The following SCFD2 variants were observed in gnomAD, a reference collection of about 807,000 sequenced individuals.
SCFD2 encodes the protein sec1 family domain-containing protein 2.
Under a neutral mutation model 58.9 loss-of-function variants are expected in SCFD2, and 54 were observed. The observed-to-expected ratio is 0.92, with a 90% CI of 0.74 to 1.15. The LOEUF (loss-of-function observed/expected upper bound fraction) is 1.15, where lower values mean the gene tolerates loss of function less well. Among genes scored for constraint, SCFD2 ranks in the 50% most tolerant of loss-of-function variants. The pLI is 0.00. For synonymous variants in SCFD2, 321 were observed against 335.9 expected (o/e 0.96, Z 0.49); for missense variants, 805 against 836.6 (o/e 0.96, Z 0.47).
At chr4:53,267,634 C>A (rs1021144819) in intron 4 of SCFD2, among the ~76,000 whole-genome samples, 7 of 152,122 alleles carry the variant, frequency 4.6e-5, no homozygotes, top group African/African-American at 1.7e-4. Context: ...CAGGCTGGAG[C>A]GCAGTGGCTA....
chr4:53,012,836 GTT>G (rs3987774), intron 5 of SCFD2, among the ~76,000 whole-genome samples: 1 of 145,084 alleles, frequency 6.9e-6, no homozygotes, highest in African/African-American at 2.5e-5. Context: ...GTGTGTGTGT[GTT>G]TTTTTTTAAG....
chr4:53,334,309 T>C (rs1733602597), intron 2 of SCFD2, among the ~76,000 whole-genome samples: 1 of 152,192 alleles, frequency 6.6e-6, no homozygotes, highest in African/African-American at 2.4e-5. Flanking sequence ...CACGTATGTT[T>C]ATTGTGGCAT....
chr4:53,052,560 T>C (rs1180413988), intron 5 of SCFD2, among the ~76,000 whole-genome samples: 2 of 152,184 alleles, frequency 1.3e-5, no homozygotes, highest in African/African-American at 4.8e-5. Context: ...TCCCTTGAGA[T>C]GTTTGCGATC....
intron 5 of SCFD2, among the ~76,000 whole-genome samples, chr4:52,996,586 G>T (rs1427725290): frequency 6.6e-6 from 1 of 152,202 alleles, no homozygotes; most frequent in Non-Finnish European, 1.5e-5. Flanking sequence ...TGGTGTTGTG[G>T]ATAAGCAGCT....
intron 5 of SCFD2, among the ~76,000 whole-genome samples, chr4:53,027,777 G>A (rs373009731): frequency 7.5e-4 from 114 of 152,248 alleles, no homozygotes; most frequent in African/African-American, 2.7e-3. Flanking sequence ...GCAGTGAGCT[G>A]CATTCAAACC....
intron 5 of SCFD2, among the ~76,000 whole-genome samples, chr4:52,997,427 T>A (rs2062187): frequency 0.21 from 31,585 of 152,200 alleles, 3,570 homozygotes; most frequent in Middle Eastern, 0.32. Context: ...CCTATTGTAG[T>A]GTGTCTTCTC....
intron 5 of SCFD2, among the ~76,000 whole-genome samples, chr4:53,129,374 T>C (rs1048840493): frequency 1.3e-5 from 2 of 152,212 alleles, no homozygotes; most frequent in African/African-American, 4.8e-5. Flanking sequence ...AAGCAACACA[T>C]GAAGGCCTAA....
At chr4:53,032,485 C>T (rs1382571757) in intron 5 of SCFD2, among the ~76,000 whole-genome samples, 1 of 152,156 alleles carries the variant, frequency 6.6e-6, no homozygotes, top group African/African-American at 2.4e-5. Context: ...AATTAAAAGA[C>T]ATCGACTAGC....
intron 6 of SCFD2, among the ~76,000 whole-genome samples, chr4:52,918,900 G>A (rs1719669001): frequency 6.6e-6 from 1 of 152,050 alleles, no homozygotes; most frequent in South Asian, 2.1e-4. Context: ...CCATGTGTCT[G>A]TATCATTATT....
chr4:53,220,377 T>C (rs776838850), intron 4 of SCFD2, among the ~76,000 whole-genome samples: 2 of 152,250 alleles, frequency 1.3e-5, no homozygotes, highest in Non-Finnish European at 2.9e-5. Flanking sequence ...TTAACTAGAA[T>C]GTAAGTTGTG....
intron 2 of SCFD2, among the ~76,000 whole-genome samples, chr4:53,330,337 G>A (rs932884130): frequency 5.3e-5 from 8 of 151,736 alleles, no homozygotes; most frequent in Non-Finnish European, 1.0e-4. Context: ...GTTCAGGGCA[G>A]CCAGAGAGAA....
At chr4:53,126,206 A>G (rs1725622339) in intron 5 of SCFD2, among the ~76,000 whole-genome samples, 2 of 152,338 alleles carry the variant, frequency 1.3e-5, no homozygotes, top group South Asian at 2.1e-4. Context: ...TGCCAGTACT[A>G]CCTTAGATGC....
At chr4:53,028,853 G>C (rs1467040145) in intron 5 of SCFD2, among the ~76,000 whole-genome samples, 1 of 152,134 alleles carries the variant, frequency 6.6e-6, no homozygotes, top group Non-Finnish European at 1.5e-5. Flanking sequence ...AATGTTCTCA[G>C]GACTTTTGAA....
chr4:52,977,541 A>G (rs1721282821), intron 5 of SCFD2, among the ~76,000 whole-genome samples: 1 of 152,132 alleles, frequency 6.6e-6, no homozygotes, highest in South Asian at 2.1e-4. Flanking sequence ...AGGCCAGAAG[A>G]AAGATACAGG....
At chr4:53,340,955 T>C (rs1049944488) in intron 2 of SCFD2, among the ~76,000 whole-genome samples, 1 of 152,094 alleles carries the variant, frequency 6.6e-6, no homozygotes, top group Non-Finnish European at 1.5e-5. Context: ...CAAAACCCCA[T>C]TGTACATCAC....
intron 4 of SCFD2, among the ~76,000 whole-genome samples, chr4:53,224,067 T>G (rs1218580068): frequency 1.3e-5 from 2 of 152,118 alleles, no homozygotes; most frequent in African/African-American, 4.8e-5. Context: ...GTCAATTACT[T>G]TCTGGAACTT....
intron 5 of SCFD2, among the ~76,000 whole-genome samples, chr4:53,029,629 T>C (rs1722566115): frequency 1.3e-5 from 2 of 152,236 alleles, no homozygotes; most frequent in Non-Finnish European, 2.9e-5. Context: ...ATGGTAGGTC[T>C]TTAAAATTCT....
At chr4:53,273,394 T>C (rs1431216639) in intron 4 of SCFD2, among the ~76,000 whole-genome samples, 1 of 152,218 alleles carries the variant, frequency 6.6e-6, no homozygotes, top group Admixed American at 6.5e-5. Flanking sequence ...TCCTTCATTT[T>C]TTACTAAACG....
intron 3 of SCFD2, among the ~76,000 whole-genome samples, chr4:53,300,098 A>C (rs1320190834): frequency 6.6e-6 from 1 of 152,208 alleles, no homozygotes; most frequent in African/African-American, 2.4e-5. Flanking sequence ...ACACATAACA[A>C]TACTAACCTT....
Sources: allele counts gnomAD v4.1 joint callset (sites outside exome capture counted in the v4.1 genomes callset), GRCh38; gene constraint gnomAD v4.1.1; transcripts MANE v1.5; gene names NCBI Gene and HGNC (gene_info 2026-07-23, HGNC 2026-07-21).